Variants in COBL observed in about 807,000 individuals in gnomAD.
COBL encodes the protein cordon-bleu WH2 repeat protein, also known as protein cordon-bleu.
COBL carries 51 observed loss-of-function variants against 98.8 expected under a neutral mutation model. That is an observed-to-expected ratio of 0.52 (90% CI 0.41 to 0.65). The LOEUF (loss-of-function observed/expected upper bound fraction) is 0.65. Ranked by LOEUF, COBL falls within the 30% of genes least tolerant of loss-of-function variation. The pLI, the probability that COBL is intolerant of heterozygous loss-of-function variation, is 0.00. For synonymous variants in COBL, 634 were observed against 651.7 expected (o/e 0.97, Z 0.41); for missense variants, 1,617 against 1,617.5 (o/e 1.00, Z 0.01).
At chr7:51,311,136 A>T (rs1802996249) in intron 1 of COBL, among the ~76,000 whole-genome samples, 1 of 152,172 alleles carries the variant, frequency 6.6e-6, no homozygotes, top group South Asian at 2.1e-4. Context: ...AGAAAAATAT[A>T]CTCTGGCAGT....
intron 6 of COBL, among the ~76,000 whole-genome samples, chr7:51,128,117 A>C (rs1030417848): frequency 6.6e-6 from 1 of 152,156 alleles, no homozygotes; most frequent in Non-Finnish European, 1.5e-5. Context: ...TTCCTCCCTA[A>C]GGTTTTTATT....
intron 5 of COBL, among the ~76,000 whole-genome samples, chr7:51,164,845 A>T (rs1042161912): frequency 7.2e-5 from 11 of 152,116 alleles, no homozygotes; most frequent in African/African-American, 2.7e-4. Flanking sequence ...ATATAAATAG[A>T]AACAACGAAA....
intron 2 of COBL, among the ~76,000 whole-genome samples, chr7:51,201,255 A>AAT (rs1791096391): frequency 6.9e-6 from 1 of 145,704 alleles, no homozygotes; most frequent in Non-Finnish European, 1.5e-5. Context: ...AAAAAAAAAA[A>AAT]AGAAAGAAAG....
chr7:51,227,365 C>T (rs1317241748), intron 1 of COBL, among the ~76,000 whole-genome samples: 3 of 152,118 alleles, frequency 2.0e-5, no homozygotes, highest in South Asian at 2.1e-4. Flanking sequence ...GATGGAAGGA[C>T]GTGCCCCGGC....
intron 7 of COBL, among the ~76,000 whole-genome samples, chr7:51,058,313 C>T (rs911984950): frequency 2.0e-5 from 3 of 151,918 alleles, no homozygotes; most frequent in East Asian, 3.9e-4. Flanking sequence ...TTTGGGAGGC[C>T]GAGGTGGGAG....
intron 4 of COBL, among the ~76,000 whole-genome samples, chr7:51,186,171 T>C (rs1789481972): frequency 6.6e-6 from 1 of 152,248 alleles, no homozygotes; most frequent in Admixed American, 6.5e-5. Flanking sequence ...TTATATGCTT[T>C]AATATGTATG....
intron 6 of COBL, among the ~76,000 whole-genome samples, chr7:51,093,504 T>C (rs1344517067): frequency 6.6e-6 from 1 of 152,148 alleles, no homozygotes; most frequent in African/African-American, 2.4e-5. Flanking sequence ...CTGAGTACTA[T>C]CCAAAAAAAT....
At chr7:51,094,497 AT>A (rs1293149731) in intron 6 of COBL, among the ~76,000 whole-genome samples, 4 of 152,156 alleles carry the variant, frequency 2.6e-5, no homozygotes, top group Non-Finnish European at 5.9e-5. Flanking sequence ...ATAAACAATT[AT>A]TATTTATCAA....
chr7:51,072,246 TAATC>T (rs1792631683), intron 7 of COBL: 1 of 152,212 alleles, frequency 6.6e-6, no homozygotes, highest in African/African-American at 2.4e-5. Flanking sequence ...TAATAAAAGT[TAATC>T]AAAGCAAGCA....
At chr7:51,224,349 GC>G (rs1230079445) in intron 1 of COBL, among the ~76,000 whole-genome samples, 1 of 145,430 alleles carries the variant, frequency 6.9e-6, no homozygotes, top group African/African-American at 2.6e-5. Flanking sequence ...ACTTATAAAA[GC>G]CTGAGATAGG....
chr7:51,123,943 T>C (rs1418059381), intron 6 of COBL, among the ~76,000 whole-genome samples: 1 of 152,128 alleles, frequency 6.6e-6, no homozygotes, highest in African/African-American at 2.4e-5. Flanking sequence ...GCATGATGGC[T>C]CCATGCAGAA....
intron 6 of COBL, among the ~76,000 whole-genome samples, chr7:51,125,650 G>A (rs1325592771): frequency 1.3e-5 from 2 of 152,130 alleles, no homozygotes; most frequent in African/African-American, 2.4e-5. Context: ...TCCCTATCTT[G>A]TGGGGATTTG....
intron 1 of COBL, among the ~76,000 whole-genome samples, chr7:51,266,348 G>A (rs967543849): frequency 6.6e-6 from 1 of 152,232 alleles, no homozygotes; most frequent in African/African-American, 2.4e-5. Flanking sequence ...GGAGGCCGAG[G>A]CAGGTGGATC....
chr7:51,300,501 G>T (rs1801843073), intron 1 of COBL, among the ~76,000 whole-genome samples: 1 of 152,082 alleles, frequency 6.6e-6, no homozygotes, highest in Non-Finnish European at 1.5e-5. Context: ...CTCACACCTG[G>T]CCTGGGTCTG....
chr7:51,312,389 A>C (rs1043202143), intron 1 of COBL, among the ~76,000 whole-genome samples: 5 of 152,184 alleles, frequency 3.3e-5, no homozygotes, highest in Non-Finnish European at 7.3e-5. Flanking sequence ...GTTCAAGTCT[A>C]AATCAGAACC....
chr7:51,163,416 T>C (rs1399365872), intron 5 of COBL, among the ~76,000 whole-genome samples: 3 of 152,200 alleles, frequency 2.0e-5, no homozygotes, highest in Non-Finnish European at 4.4e-5. Context: ...CCCACACAAC[T>C]AAGCACAGTG....
chr7:51,308,141 T>A (rs570111018), intron 1 of COBL, among the ~76,000 whole-genome samples: 78 of 152,338 alleles, frequency 5.1e-4, no homozygotes, highest in Non-Finnish European at 9.7e-4. Context: ...TCAGTCTCCC[T>A]CCAGCCTAAC....
chr7:51,186,927 G>C (rs1446290851), intron 4 of COBL, among the ~76,000 whole-genome samples: 3 of 152,128 alleles, frequency 2.0e-5, no homozygotes, highest in Non-Finnish European at 4.4e-5. Context: ...GCCAGCCCTC[G>C]AACACACGCA....
In COBL at chr7:51,272,946, TACCAAC is replaced by T. The variant is rs1479686330; in HGVS notation, c.41+43641_41+43646del. ...CTGCGTTTTCATCTATGGAACACAA[TACCAAC>T]AACAACAACAACAACAACAACAACA... is the stretch of plus-strand genomic sequence containing the variant. On this transcript the variant is annotated intron_variant, in intron 1 of 12. Transcript: ENST00000265136. Among the ~76,000 whole-genome samples the T allele has an allele frequency of 4.8e-3, 710 of 148,584 alleles. 6 individuals carry two copies. Among genetic ancestry groups the T allele is most frequent in the African/African-American group, 0.017 (672 of 39,162 alleles).
Sources: allele counts gnomAD v4.1 joint callset (sites outside exome capture counted in the v4.1 genomes callset), GRCh38; gene constraint gnomAD v4.1.1; transcripts MANE v1.5; gene names NCBI Gene and HGNC (gene_info 2026-07-23, HGNC 2026-07-21).